ROS1: variants seen among roughly 807,000 people sequenced by gnomAD.
ROS1 encodes proto-oncogene tyrosine-protein kinase ROS.
Under a neutral mutation model 273.5 loss-of-function variants are expected in ROS1, and 263 were observed. The observed-to-expected ratio is 0.96, with a 90% confidence interval of 0.87 to 1.06. The LOEUF (loss-of-function observed/expected upper bound fraction) is 1.06, where lower values mean the gene tolerates loss of function less well. Among genes scored for constraint, ROS1 ranks in the 50% least tolerant of loss-of-function variants. The pLI is 0.00. For synonymous variants in ROS1, 1,008 were observed against 954.1 expected, an observed-to-expected ratio of 1.06 and a Z score of -1.04; for missense variants, 2,833 against 2,751.1, an observed-to-expected ratio of 1.03 and a Z score of -0.67.
chr6:117,318,050 G>A (rs1249495152), intron 38 of ROS1, 138 bp downstream of exon 38: 7 of 670,638 alleles, frequency 1.0e-5, no homozygotes, highest in Non-Finnish European at 1.6e-5. Context: ...TTGCTCTGCA[G>A]ATGTAGTTCC....
At chr6:117,380,642 A>G (rs1772051561) in intron 17 of ROS1, among the ~76,000 whole-genome samples, 1 of 152,114 alleles carries the variant, frequency 6.6e-6, no homozygotes, top group Non-Finnish European at 1.5e-5. Context: ...GGAATACAAC[A>G]AACTATTCAA....
At chr6:117,366,922 C>T (rs539881259) in intron 18 of ROS1, among the ~76,000 whole-genome samples, 2 of 152,272 alleles carry the variant, frequency 1.3e-5, no homozygotes, top group African/African-American at 2.4e-5. Flanking sequence ...AAGGCACAAC[C>T]TGGATTCTCA....
intron 18 of ROS1, among the ~76,000 whole-genome samples, chr6:117,370,898 G>A (rs982723563): frequency 2.0e-5 from 3 of 152,164 alleles, no homozygotes; most frequent in African/African-American, 7.2e-5. Context: ...CACATGTCAA[G>A]ACAGTAGACT....
chr6:117,363,906 C>A (rs1321806), intron 21 of ROS1, among the ~76,000 whole-genome samples: 123 of 151,922 alleles, frequency 8.1e-4, no homozygotes, highest in Middle Eastern at 6.8e-3. Flanking sequence ...ATATCTAGTA[C>A]AGAACTGGCA....
intron 34 of ROS1, 131 bp downstream of exon 34, chr6:117,326,093 A>G (rs1010857418): frequency 1.5e-4 from 2 of 13,750 alleles, no homozygotes; most frequent in Non-Finnish European, 3.3e-4. Context: ...TAATAAGATT[A>G]TATATATATA....
At chr6:117,313,754 G>C (rs1187515547) in intron 39 of ROS1, among the ~76,000 whole-genome samples, 1 of 152,102 alleles carries the variant, frequency 6.6e-6, no homozygotes, top group Non-Finnish European at 1.5e-5. Context: ...AAGAGAAAAA[G>C]GCCTCTGCTG....
At chr6:117,303,396 C>T (rs768179332) in intron 42 of ROS1, among the ~76,000 whole-genome samples, 10 of 152,302 alleles carry the variant, frequency 6.6e-5, no homozygotes, top group African/African-American at 2.4e-4. Context: ...CCAGAGGTGA[C>T]ATTTAAGCCA....
chr6:117,378,977 G>A, intron 18 of ROS1, 82 bp downstream of exon 18: 4 of 827,476 alleles, frequency 4.8e-6, no homozygotes, highest in Non-Finnish European at 8.0e-6. Flanking sequence ...TTTATTGAAG[G>A]AATAAATGAA....
At chr6:117,307,459 T>G (rs1775192484) in intron 42 of ROS1, among the ~76,000 whole-genome samples, 1 of 152,172 alleles carries the variant, frequency 6.6e-6, no homozygotes, top group Admixed American at 6.6e-5. Context: ...AATATTTAAT[T>G]AAAATTTATT....
At chr6:117,342,584 C>T (rs1778032813) in intron 28 of ROS1, 40 bp from the exon 29 acceptor site, 1 of 1,233,520 alleles carries the variant, frequency 8.1e-7, no homozygotes, top group Non-Finnish European at 1.1e-6. Context: ...TTATTTTTAA[C>T]ATTTTATACA....
chr6:117,324,356 C>A lies in ROS1; in HGVS notation c.5599G>T (p.Val1867Phe), dbSNP rs1416865807. ...ILTIIVGIFL[V>F]VTIPLTFVWH... ...CCAAAGGTCAGTGGGATTGTAACAA[C>A]CAGAAATATTCCAACTATAATAGTA... Residue 1867 changes from valine to phenylalanine, a missense_variant, in exon 35 of 44, where the codon GTT becomes TTT. By Grantham distance (50) the Val-to-Phe change is conservative. Transcript: ENST00000368507. 2 of 1,527,200 alleles carry A rather than the reference C, an allele frequency of 1.3e-6. No homozygotes were observed. The highest frequency in any genetic ancestry group is 1.2e-5 in the South Asian group (1 of 86,478). 94.6% of individuals were successfully genotyped at this position (1,527,200 alleles called of 1,614,324 possible).
intron 9 of ROS1, among the ~76,000 whole-genome samples, chr6:117,395,443 A>T (rs1477341672): frequency 1.3e-5 from 2 of 152,162 alleles, no homozygotes; most frequent in African/African-American, 2.4e-5. Flanking sequence ...CTCAATACCC[A>T]TTGGCACAGG....
At chr6:117,420,487 G>A (rs1031795880) in intron 1 of ROS1, among the ~76,000 whole-genome samples, 8 of 150,014 alleles carry the variant, frequency 5.3e-5, no homozygotes, top group African/African-American at 1.2e-4. Context: ...GCTAAATGAC[G>A]AGTTAATGGG....
intron 7 of ROS1, among the ~76,000 whole-genome samples, chr6:117,401,069 A>G (rs970922314): frequency 6.6e-6 from 1 of 152,208 alleles, no homozygotes; most frequent in Non-Finnish European, 1.5e-5. Context: ...CTGAAAGTCT[A>G]AGTTAGCAAC....
intron 39 of ROS1, among the ~76,000 whole-genome samples, chr6:117,315,727 G>C (rs185117797): frequency 6.6e-6 from 1 of 152,176 alleles, no homozygotes; most frequent in African/African-American, 2.4e-5. Flanking sequence ...GAGATACATG[G>C]AAAAAGTCCC....
At chr6:117,312,751 G>A (rs917355514) in intron 39 of ROS1, among the ~76,000 whole-genome samples, 4 of 152,014 alleles carry the variant, frequency 2.6e-5, no homozygotes, top group Admixed American at 1.3e-4. Flanking sequence ...TGCATGTTGG[G>A]TTTCCTTGAC....
intron 15 of ROS1, 34 bp downstream of exon 15, chr6:117,386,855 T>C (rs752514784): frequency 2.8e-6 from 3 of 1,078,820 alleles, no homozygotes; most frequent in South Asian, 1.4e-5. Context: ...AGTAGAAATC[T>C]GTCATTCAAG....
At chr6:117,422,902 C>G (rs550515175) in intron 1 of ROS1, among the ~76,000 whole-genome samples, 1 of 151,746 alleles carries the variant, frequency 6.6e-6, no homozygotes, top group Non-Finnish European at 1.5e-5. Flanking sequence ...ACATAGATAC[C>G]TAGGAAAATT....
intron 27 of ROS1, among the ~76,000 whole-genome samples, chr6:117,350,619 T>C (rs550909208): frequency 6.6e-6 from 1 of 151,790 alleles, no homozygotes; most frequent in Non-Finnish European, 1.5e-5. Flanking sequence ...CTAGTATTCA[T>C]ATTATACCTA....
Sources: gnomAD v4.1 joint callset for allele counts (sites outside exome capture counted in the v4.1 genomes callset) on GRCh38, gnomAD v4.1.1 for gene constraint, MANE v1.5 for transcripts, NCBI Gene and HGNC (gene_info 2026-07-23, HGNC 2026-07-21) for gene names.